Variants in NRXN3 observed in about 807,000 individuals in gnomAD.
NRXN3 encodes neurexin III.
Under a neutral mutation model 137.6 loss-of-function variants are expected in NRXN3, and 32 were observed. The ratio of observed to expected loss-of-function variants is 0.23; its 90% CI spans 0.18 to 0.31. The LOEUF is 0.31. Ranked by LOEUF, NRXN3 falls within the 10% of genes least tolerant of loss-of-function variation. NRXN3 has a pLI of 1.00. For missense variants in NRXN3, 1,574 were observed against 2,062.5 expected (o/e 0.76, Z 4.59); for synonymous variants, 798 against 784.5 (o/e 1.02, Z -0.29).
chr14:78,985,357 CAATT>C (rs1320686883), intron 14 of NRXN3, among the ~76,000 whole-genome samples: 1 of 152,066 alleles, frequency 6.6e-6, no homozygotes, highest in East Asian at 1.9e-4. Context: ...AAACATAAAG[CAATT>C]AGAGGATTAT....
intron 19 of NRXN3, among the ~76,000 whole-genome samples, chr14:79,752,768 A>T (rs1568117557): frequency 6.6e-6 from 1 of 152,096 alleles, no homozygotes; most frequent in Non-Finnish European, 1.5e-5. Flanking sequence ...AACTACCATC[A>T]GAGTGAACAG....
chr14:78,632,764 T>C (rs1311177087), intron 4 of NRXN3, among the ~76,000 whole-genome samples: 1 of 152,198 alleles, frequency 6.6e-6, no homozygotes, highest in Non-Finnish European at 1.5e-5. Context: ...AATAATTCAT[T>C]TGTTCTGTGT....
chr14:78,203,803 G>GGTGTGTGTGTGTGTGTGTGTGTGTGT (rs3059003), intron 1 of NRXN3, among the ~76,000 whole-genome samples: 11 of 134,042 alleles, frequency 8.2e-5, no homozygotes, highest in African/African-American at 3.1e-4. Context: ...GATCCTTCCA[G>GGTGTGTGTGTGTGTGTGTGTGTGTGT]GTGTGTGTGT....
chr14:79,754,451 G>T (rs139514665), intron 19 of NRXN3, among the ~76,000 whole-genome samples: 1 of 141,882 alleles, frequency 7.0e-6, no homozygotes, highest in East Asian at 2.2e-4. Flanking sequence ...AGGGGTCCTG[G>T]AATCAATCCC....
At chr14:78,249,232 A>T (rs2068199842) in intron 2 of NRXN3, among the ~76,000 whole-genome samples, 1 of 152,196 alleles carries the variant, frequency 6.6e-6, no homozygotes, top group South Asian at 2.1e-4. Flanking sequence ...GGCTGCAAAG[A>T]GGGTGGGCAG....
chr14:79,596,348 AAAAAGGTACCT>A (rs753156270), intron 16 of NRXN3, among the ~76,000 whole-genome samples: 1 of 152,158 alleles, frequency 6.6e-6, no homozygotes, highest in Non-Finnish European at 1.5e-5. Flanking sequence ...GCTTCATCTG[AAAAAGGTACCT>A]AATAGGGAAG....
rs17108649 is a variant in NRXN3 at position 79,105,683 on chromosome 14, C to A, written c.3262+117542C>A. On this transcript the variant is annotated intron_variant, in intron 15 of 20. Transcript: ENST00000335750. ...CTCTGAAGTATTGAGGGAAAGTCTG[C>A]TAAACGGCTAAACTACTTAAGGAGC... 8.1e-3 allele frequency among the ~76,000 whole-genome samples: 1,227 copies of A among 152,134 alleles called. 13 individuals are homozygous for A. Among genetic ancestry groups the A allele is most frequent in the African/African-American group, 0.028 (1,149 of 41,508 alleles).
At chr14:78,753,621 C>T (rs986254191) in intron 8 of NRXN3, 3 of 152,116 alleles carry the variant, frequency 2.0e-5, no homozygotes, top group Non-Finnish European at 4.4e-5. Flanking sequence ...CTAAGTACTG[C>T]ATGTGATACA....
At chr14:79,478,055 G>A (rs1333140300) in intron 16 of NRXN3, among the ~76,000 whole-genome samples, 1 of 151,948 alleles carries the variant, frequency 6.6e-6, no homozygotes, top group East Asian at 1.9e-4. Flanking sequence ...ATAAGGGCTA[G>A]AGGTGGGGGC....
chr14:79,625,005 C>T (rs1188354732), intron 16 of NRXN3, among the ~76,000 whole-genome samples: 1 of 151,952 alleles, frequency 6.6e-6, no homozygotes, highest in Non-Finnish European at 1.5e-5. Context: ...CACTATGTTT[C>T]CCAGGTTGGT....
At chr14:78,645,084 A>G (rs2097673913) in intron 4 of NRXN3, 36 bp from the exon 5 acceptor site, 24 of 1,502,096 alleles carry the variant, frequency 1.6e-5, no homozygotes, top group Non-Finnish European at 2.1e-5. Flanking sequence ...CTTGCCAGAC[A>G]AGTGCTGATT....
At chr14:79,210,388 A>G (rs2067467486) in intron 15 of NRXN3, among the ~76,000 whole-genome samples, 1 of 152,178 alleles carries the variant, frequency 6.6e-6, no homozygotes, top group East Asian at 1.9e-4. Context: ...AAAATGTTGA[A>G]TAAATGAACA....
At chr14:78,749,254 G>A (rs10132011) in intron 8 of NRXN3, among the ~76,000 whole-genome samples, 3,926 of 152,196 alleles carry the variant, frequency 0.026, 177 homozygotes, top group African/African-American at 0.09. Flanking sequence ...AGAAACTATC[G>A]ATTCCAAGTT....
intron 16 of NRXN3, among the ~76,000 whole-genome samples, chr14:79,596,561 T>G (rs2097860348): frequency 6.7e-6 from 1 of 148,358 alleles, no homozygotes; most frequent in South Asian, 2.2e-4. Context: ...GAGGGGCTTC[T>G]GGCCAATTTT....
intron 15 of NRXN3, among the ~76,000 whole-genome samples, chr14:79,289,355 T>G (rs2082782438): frequency 6.6e-6 from 1 of 152,182 alleles, no homozygotes; most frequent in Non-Finnish European, 1.5e-5. Context: ...GCGCAGTGGC[T>G]CATGCCTGTA....
chr14:78,230,760 G>A (rs1488716353), intron 1 of NRXN3, among the ~76,000 whole-genome samples: 1 of 152,156 alleles, frequency 6.6e-6, no homozygotes, highest in Non-Finnish European at 1.5e-5. Context: ...TAGTAGATGA[G>A]ACTGGAAAGG....
Position 78,513,114 on chromosome 14 carries a change from G to C in NRXN3, c.758-132006G>C, listed in dbSNP as rs544755570. On this transcript the variant is annotated intron_variant, in intron 4 of 20. Transcript: ENST00000335750. ...CAGAGGCTATGAATCTGATGAGGAA[G>C]GCAACTTGGCAGTGCAGAAAGCACC... 2.0e-5 allele frequency among the ~76,000 whole-genome samples: 3 copies of C among 152,274 alleles called. No homozygotes were observed. The East Asian group carries it at 5.8e-4, about 29-fold the overall frequency.
intron 19 of NRXN3, among the ~76,000 whole-genome samples, chr14:79,799,123 A>G (rs1276772244): frequency 6.6e-6 from 1 of 152,212 alleles, no homozygotes; most frequent in Non-Finnish European, 1.5e-5. Flanking sequence ...AAAGGAATAC[A>G]TAGGGCTCCT....
intron 5 of NRXN3, among the ~76,000 whole-genome samples, chr14:78,649,563 CT>C (rs11366920): frequency 0.21 from 26,643 of 124,964 alleles, 2,447 homozygotes; most frequent in Middle Eastern, 0.25. Flanking sequence ...CCAAAAAATG[CT>C]TTTTTTTTTT....
Sources: gnomAD v4.1 joint callset for allele counts (sites outside exome capture counted in the v4.1 genomes callset) on GRCh38, gnomAD v4.1.1 for gene constraint, MANE v1.5 for transcripts, NCBI Gene and HGNC (gene_info 2026-07-23, HGNC 2026-07-21) for gene names.